The following BNC2 variants were observed in gnomAD, a reference collection of about 807,000 sequenced individuals.
BNC2 encodes the protein basonuclin zinc finger protein 2.
Under a neutral mutation model 76.3 loss-of-function variants are expected in BNC2, and 20 were observed. That is an observed-to-expected ratio of 0.26 (90% confidence interval 0.18 to 0.38). The LOEUF (loss-of-function observed/expected upper bound fraction) is 0.38. Ranked by LOEUF, BNC2 falls within the 10% of genes least tolerant of loss-of-function variation. The pLI, the probability that BNC2 is intolerant of heterozygous loss-of-function variation, is 1.00. For missense variants in BNC2, 1,382 were observed against 1,399.8 expected, an observed-to-expected ratio of 0.99 and a Z score of 0.20; for synonymous variants, 582 against 514.8, an observed-to-expected ratio of 1.13 and a Z score of -1.77.
chr9:16,576,105 A>G (rs1819477949), intron 4 of BNC2, among the ~76,000 whole-genome samples: 2 of 152,188 alleles, frequency 1.3e-5, no homozygotes, highest in African/African-American at 4.8e-5. Flanking sequence ...CCTTCCCCTG[A>G]GGACTCAAAT....
intron 2 of BNC2, among the ~76,000 whole-genome samples, chr9:16,730,473 C>A (rs565206599): frequency 1.3e-5 from 2 of 152,156 alleles, no homozygotes; most frequent in Non-Finnish European, 1.5e-5. Context: ...TGCACAGCTC[C>A]GTAACTAAAT....
chr9:16,604,011 C>T (rs767252948), intron 3 of BNC2, among the ~76,000 whole-genome samples: 1 of 152,098 alleles, frequency 6.6e-6, no homozygotes, highest in Non-Finnish European at 1.5e-5. Flanking sequence ...TAAAACTTTA[C>T]ATGAGTTTGT....
rs189013332 is a variant in BNC2 at position 16,664,046 on chromosome 9, T to C, written c.330+63751A>G. 5.0e-3 allele frequency among the ~76,000 whole-genome samples: 764 copies of C among 152,310 alleles called. 12 individuals carry two copies. Among genetic ancestry groups the C allele is most frequent in the Admixed American group, 0.037 (570 of 15,294 alleles). The stretch of plus-strand genomic sequence containing the variant: ...TTAGTTATGAAAACTTAACCCTCCA[T>C]TGATCCTCGATTCCACCTTTATCCT... On this transcript the variant is annotated intron_variant, in intron 3 of 6. Coordinates refer to ENST00000380672, the MANE Select transcript of BNC2 (RefSeq NM_017637.6).
chr9:16,855,038 AT>A (rs1819219185), intron 1 of BNC2, among the ~76,000 whole-genome samples: 1 of 151,724 alleles, frequency 6.6e-6, no homozygotes, highest in Non-Finnish European at 1.5e-5. Flanking sequence ...CCCCATTTAA[AT>A]TTGCCTGCCA....
At chr9:16,499,170 T>C (rs1251408948) in intron 5 of BNC2, among the ~76,000 whole-genome samples, 2 of 151,042 alleles carry the variant, frequency 1.3e-5, no homozygotes, top group African/African-American at 2.5e-5. Context: ...GACTTTCTTA[T>C]ATAAATAAGA....
At chr9:16,468,148 T>C (rs975383079) in intron 5 of BNC2, among the ~76,000 whole-genome samples, 21 of 150,954 alleles carry the variant, frequency 1.4e-4, no homozygotes, top group Non-Finnish European at 2.5e-4. Context: ...TCAAGTGATT[T>C]TCCTGCCTCG....
intron 1 of BNC2, among the ~76,000 whole-genome samples, chr9:16,861,470 G>C (rs4961424): frequency 0.98 from 149,303 of 152,172 alleles, 73,299 homozygotes; most frequent in Middle Eastern, 1. Context: ...ACTTAAAACT[G>C]CATAATAAAA....
intron 3 of BNC2, among the ~76,000 whole-genome samples, chr9:16,676,062 CTCAA>C (rs1357793707): frequency 6.6e-6 from 1 of 152,206 alleles, no homozygotes; most frequent in East Asian, 1.9e-4. Flanking sequence ...GAGACTCTGT[CTCAA>C]TCAATCAATC....
At chr9:16,772,539 G>A (rs1443302360) in intron 1 of BNC2, among the ~76,000 whole-genome samples, 1 of 151,846 alleles carries the variant, frequency 6.6e-6, no homozygotes, top group Non-Finnish European at 1.5e-5. Context: ...CCCCCTCTTT[G>A]AACTGATACT....
intron 3 of BNC2, among the ~76,000 whole-genome samples, chr9:16,673,706 A>G (rs1052900061): frequency 7.2e-5 from 11 of 152,342 alleles, no homozygotes; most frequent in African/African-American, 2.6e-4. Flanking sequence ...AGTGTACCAA[A>G]TAAGTTTGAT....
At chr9:16,501,435 C>G (rs534130211) in intron 5 of BNC2, among the ~76,000 whole-genome samples, 3 of 152,162 alleles carry the variant, frequency 2.0e-5, no homozygotes, top group South Asian at 4.2e-4. Context: ...CTTTTCAACA[C>G]TTTTCATACA....
At chr9:16,711,032 C>G (rs1354993216) in intron 3 of BNC2, among the ~76,000 whole-genome samples, 1 of 151,990 alleles carries the variant, frequency 6.6e-6, no homozygotes, top group Admixed American at 6.6e-5. Context: ...ACTGCTGTCC[C>G]TCGCTCCCTC....
chr9:16,559,908 T>C (rs868509031), intron 4 of BNC2, among the ~76,000 whole-genome samples: 1 of 152,184 alleles, frequency 6.6e-6, no homozygotes, highest in African/African-American at 2.4e-5. Flanking sequence ...ATGTAGGCAA[T>C]ATAAATGCCA....
intron 5 of BNC2, among the ~76,000 whole-genome samples, chr9:16,461,585 G>T (rs1475270198): frequency 6.6e-6 from 1 of 150,854 alleles, no homozygotes; most frequent in Non-Finnish European, 1.5e-5. Context: ...CAATGATCCA[G>T]GACAACGTGG....
At chr9:16,631,843 A>G (rs1464771157) in intron 3 of BNC2, among the ~76,000 whole-genome samples, 1 of 152,180 alleles carries the variant, frequency 6.6e-6, no homozygotes, top group African/African-American at 2.4e-5. Flanking sequence ...ACAACTTCAG[A>G]AAAAAAGACA....
chr9:16,809,318 G>A (rs1363661400), intron 1 of BNC2, among the ~76,000 whole-genome samples: 2 of 151,942 alleles, frequency 1.3e-5, no homozygotes, highest in Non-Finnish European at 2.9e-5. Context: ...ACACATTAGG[G>A]CTAGGAGAGA....
intron 5 of BNC2, among the ~76,000 whole-genome samples, chr9:16,454,982 A>G (rs1487882405): frequency 6.6e-6 from 1 of 152,224 alleles, no homozygotes; most frequent in Non-Finnish European, 1.5e-5. Flanking sequence ...AATAAATGGC[A>G]AGAGAGAAAA....
At position 16,583,013 on chromosome 9, in the gene BNC2, C is replaced by T. The variant is rs1819670499; in HGVS notation, c.403G>A (p.Asp135Asn). The change falls in exon 4 of 7, where the codon GAT (aspartate) becomes AAT (asparagine). Residue 135 changes from aspartate (D) to asparagine (N), a missense_variant. Coordinates refer to ENST00000380672, the MANE Select transcript of BNC2 (RefSeq NM_017637.6). ...QPGKINLRTC[D>N]QCKHGWVAHA... ...GCCACCCAGCCATGTTTACACTGATCACAAGTCCTCAGGTTAATCTTCCCT... is the reference window on the plus strand; with the variant it reads ...GCCACCCAGCCATGTTTACACTGATTACAAGTCCTCAGGTTAATCTTCCCT... The T allele has an allele frequency of 8.7e-6, 14 of 1,613,884 alleles. No homozygotes were observed. The highest frequency in any genetic ancestry group is 1.2e-5 in the Non-Finnish European group (14 of 1,179,948).
At position 16,822,369 on chromosome 9, in the gene BNC2, G is replaced by C. The variant is rs112670607; in HGVS notation, c.3+48277C>G. Among the ~76,000 whole-genome samples, 938 of 152,192 alleles carry C rather than the reference G, an allele frequency of 6.2e-3. 8 individuals are homozygous for C. The highest frequency in any genetic ancestry group is 0.021 in the African/African-American group (864 of 41,520). ...AAATAGAAGAAATCAAGACACAGAA[G>C]TTAAGAGACTTGCCCACGGTCAGAG... is the stretch of plus-strand genomic sequence containing the variant. On this transcript the variant is annotated intron_variant, in intron 1 of 6. Coordinates refer to ENST00000380672, the MANE Select transcript of BNC2 (RefSeq NM_017637.6).
Sources: allele counts gnomAD v4.1 joint callset (sites outside exome capture counted in the v4.1 genomes callset), GRCh38; gene constraint gnomAD v4.1.1; transcripts MANE v1.5; gene names NCBI Gene and HGNC (gene_info 2026-07-23, HGNC 2026-07-21).